FLNB: variants seen among roughly 807,000 people sequenced by gnomAD.
FLNB encodes filamin-B.
A neutral mutation model predicts 250.6 loss-of-function variants in FLNB; 111 were observed. That is an observed-to-expected ratio of 0.44 (90% CI 0.38 to 0.52). The LOEUF (loss-of-function observed/expected upper bound fraction) is 0.52, where lower values mean the gene tolerates loss of function less well. Among genes scored for constraint, FLNB ranks in the 20% least tolerant of loss-of-function variants. The pLI is 0.00. For synonymous variants in FLNB, 1,302 were observed against 1,372.1 expected, an observed-to-expected ratio of 0.95 and a Z score of 1.13; for missense variants, 2,869 against 3,447.8, an observed-to-expected ratio of 0.83 and a Z score of 4.20.
intron 2 of FLNB, 87 bp from the exon 3 acceptor site, chr3:58,078,630 A>G: frequency 1.3e-6 from 2 of 1,511,642 alleles, no homozygotes; most frequent in Admixed American, 3.9e-5. Context: ...GAACTAAAAG[A>G]AAAAATGGGG....
At chr3:58,165,102 G>A (rs2097368176) in intron 43 of FLNB, 1 of 152,322 alleles carries the variant, frequency 6.6e-6, no homozygotes, top group Non-Finnish European at 1.5e-5. Context: ...GCCCAGGTGG[G>A]GTCCTCTCGG....
At chr3:58,117,634 C>A (rs890229819) in intron 18 of FLNB, among the ~76,000 whole-genome samples, 4 of 151,606 alleles carry the variant, frequency 2.6e-5, no homozygotes, top group African/African-American at 9.7e-5. Context: ...AAAAAGGAGA[C>A]CTTTCCTGCC....
At chr3:58,152,714 G>T in intron 38 of FLNB, 1 of 1,315,932 alleles carries the variant, frequency 7.6e-7, no homozygotes, top group Non-Finnish European at 1.0e-6. Flanking sequence ...TCAGGGGTCA[G>T]AGTCATGAAC....
chr3:58,109,547 C>T (rs1244120253), intron 14 of FLNB, 29 bp from the exon 15 acceptor site: 2 of 1,614,138 alleles, frequency 1.2e-6, no homozygotes, highest in Non-Finnish European at 1.7e-6. Flanking sequence ...TGGAGGAGAA[C>T]TTGATGACCT....
At chr3:58,082,297 A>G (rs2097210319) in intron 4 of FLNB, among the ~76,000 whole-genome samples, 1 of 152,178 alleles carries the variant, frequency 6.6e-6, no homozygotes, top group Non-Finnish European at 1.5e-5. Context: ...GGTAGAAGCC[A>G]TTTCAAGGCA....
At chr3:58,066,179 T>C (rs1273090319) in intron 1 of FLNB, among the ~76,000 whole-genome samples, 1 of 152,070 alleles carries the variant, frequency 6.6e-6, no homozygotes, top group East Asian at 1.9e-4. Flanking sequence ...TGTCTATACT[T>C]TTTTTCTTCT....
At chr3:58,127,335 A>G (rs927406534) in intron 24 of FLNB, among the ~76,000 whole-genome samples, 2 of 152,062 alleles carry the variant, frequency 1.3e-5, no homozygotes, top group Admixed American at 1.3e-4. Flanking sequence ...CAAAAAAAAA[A>G]AAAAAGAAAA....
chr3:58,090,034 C>T (rs2097223877), intron 4 of FLNB, among the ~76,000 whole-genome samples: 4 of 152,206 alleles, frequency 2.6e-5, no homozygotes, highest in South Asian at 2.1e-4. Context: ...TGATCCACCT[C>T]GGTAATCCAC....
chr3:58,165,731 C>A (rs974217493), intron 43 of FLNB: 1 of 152,102 alleles, frequency 6.6e-6, no homozygotes, highest in Non-Finnish European at 1.5e-5. Flanking sequence ...TCTTTGGAGC[C>A]GCTGAGCAAT....
intron 1 of FLNB, among the ~76,000 whole-genome samples, chr3:58,025,133 C>CTTTTTTTTTT (rs57706596): frequency 1.5e-4 from 17 of 116,544 alleles, no homozygotes; most frequent in East Asian, 2.4e-4. Context: ...TTCTTTCTTT[C>CTTTTTTTTTT]TTTTTTTTTT....
At chr3:58,147,256 AGCT>A (rs1054016785) in intron 34 of FLNB, among the ~76,000 whole-genome samples, 24 of 152,356 alleles carry the variant, frequency 1.6e-4, no homozygotes, top group African/African-American at 5.5e-4. Context: ...GCAAAGAGAA[AGCT>A]CTCAGATGGA....
chr3:58,146,026 T>C lies in FLNB; in HGVS notation c.5531T>C (p.Ile1844Thr). The change falls in exon 33 of 46, where the codon ATC becomes ACC. Residue 1844 changes from isoleucine to threonine, a missense_variant. Ile to Thr is a moderately conservative substitution (Grantham distance 89, BLOSUM62 -1). Around this residue, in one of 5 missense-constraint regions of FLNB, gnomAD observed 1,084 missense variants for 1,315.5 expected, o/e 0.82. Transcript: ENST00000295956. ...GVANKTATFT[I>T]VTEDAGEGGL... ...GCCAACAAAACTGCCACCTTCACCA[T>C]CGTCACAGAGGATGCAGGAGAAGGT... The C allele has an allele frequency of 1.9e-6, 3 of 1,614,172 alleles. No homozygotes were observed. Among genetic ancestry groups the C allele is most frequent in the South Asian group, 1.1e-5 (1 of 91,078 alleles).
At chr3:58,012,209 CAAAAAAAAAAA>C (rs10608167) in intron 1 of FLNB, among the ~76,000 whole-genome samples, 2 of 105,998 alleles carry the variant, frequency 1.9e-5, no homozygotes, top group East Asian at 2.9e-4. Flanking sequence ...GACTCTGACT[CAAAAAAAAAAA>C]AAAAAAAAAA....
At chr3:58,085,220 G>A (rs2097215601) in intron 4 of FLNB, among the ~76,000 whole-genome samples, 1 of 152,188 alleles carries the variant, frequency 6.6e-6, no homozygotes, top group African/African-American at 2.4e-5. Context: ...GGATCATATG[G>A]TAATTCTATA....
At chr3:58,022,679 T>G (rs573146990) in intron 1 of FLNB, among the ~76,000 whole-genome samples, 1 of 152,348 alleles carries the variant, frequency 6.6e-6, no homozygotes, top group African/African-American at 2.4e-5. Context: ...ATTCCCGTTA[T>G]GCAGATGAGA....
chr3:58,089,401 C>T (rs894838923), intron 4 of FLNB, among the ~76,000 whole-genome samples: 60 of 151,804 alleles, frequency 4.0e-4, no homozygotes, highest in African/African-American at 1.4e-3. Flanking sequence ...AAAAAATTAG[C>T]CAGGTGAGGT....
At chr3:58,094,679 G>C (rs2107039975) in intron 4 of FLNB, among the ~76,000 whole-genome samples, 157 bp from the exon 5 acceptor site, 1 of 152,284 alleles carries the variant, frequency 6.6e-6, no homozygotes, top group Middle Eastern at 3.4e-3. Flanking sequence ...CTTTCGACCT[G>C]CCTGATTTTC....
chr3:58,011,745 C>G (rs1029573558), intron 1 of FLNB, among the ~76,000 whole-genome samples: 1 of 152,224 alleles, frequency 6.6e-6, no homozygotes, highest in African/African-American at 2.4e-5. Flanking sequence ...TGTTGATCAC[C>G]CCATTGAATT....
intron 35 of FLNB, 59 bp from the exon 36 acceptor site, chr3:58,148,588 GTC>G: frequency 7.0e-7 from 1 of 1,421,706 alleles, no homozygotes; most frequent in South Asian, 1.2e-5. Flanking sequence ...CTGAGAGTGT[GTC>G]TCTCTCCTGC....
Sources: gnomAD v4.1 joint callset for allele counts (sites outside exome capture counted in the v4.1 genomes callset) on GRCh38, gnomAD v4.1.1 for gene constraint, gnomAD v4.1.1 regional missense constraint, MANE v1.5 for transcripts, NCBI Gene and HGNC (gene_info 2026-07-23, HGNC 2026-07-21) for gene names.